The following CHN2 variants were observed in gnomAD, a reference collection of about 807,000 sequenced individuals.
CHN2 encodes the protein beta-chimaerin.
In CHN2, 35 loss-of-function variants were observed where a neutral mutation model predicts 56.3. That is an observed-to-expected ratio of 0.62 (90% CI 0.47 to 0.82). CHN2 has a LOEUF of 0.82. Ranked by LOEUF, CHN2 falls within the 40% of genes least tolerant of loss-of-function variation. The pLI, the probability that CHN2 is intolerant of heterozygous loss-of-function variation, is 0.00. For synonymous variants in CHN2, 210 were observed against 212.8 expected (o/e 0.99, Z 0.12); for missense variants, 491 against 580.5 (o/e 0.85, Z 1.58).
intron 1 of CHN2, among the ~76,000 whole-genome samples, chr7:29,211,909 T>C (rs1169572335): frequency 6.6e-6 from 1 of 152,204 alleles, no homozygotes; most frequent in Non-Finnish European, 1.5e-5. Flanking sequence ...TAAAGAACAT[T>C]TCAAATATAT....
intron 1 of CHN2, chr7:29,289,054 A>G (rs1393688788): frequency 6.6e-6 from 1 of 152,250 alleles, no homozygotes; most frequent in African/African-American, 2.4e-5. Context: ...TGAATGAGGA[A>G]CAATACAATT....
chr7:29,157,697 G>A (rs1191377934), intron 2 of CHN2, among the ~76,000 whole-genome samples: 10 of 152,156 alleles, frequency 6.6e-5, no homozygotes, highest in Admixed American at 6.5e-4. Flanking sequence ...CCAGTGAAAA[G>A]CCACTCAATG....
At chr7:29,292,261 A>G (rs1584978255) in intron 1 of CHN2, among the ~76,000 whole-genome samples, 1 of 152,222 alleles carries the variant, frequency 6.6e-6, no homozygotes, top group East Asian at 1.9e-4. Context: ...GACTAATAGT[A>G]TTTCACTGGA....
chr7:29,164,779 C>CAAAAA (rs55742522), intron 2 of CHN2, among the ~76,000 whole-genome samples: 8 of 85,874 alleles, frequency 9.3e-5, no homozygotes, highest in Admixed American at 1.4e-4. Flanking sequence ...AGACCTGTCT[C>CAAAAA]AAAAAAAAAA....
chr7:29,228,175 CACGT>C (rs1436534669), intron 1 of CHN2, among the ~76,000 whole-genome samples: 1 of 150,830 alleles, frequency 6.6e-6, no homozygotes, highest in East Asian at 2.0e-4. Context: ...CACACACACA[CACGT>C]GTGTGTGTGT....
chr7:29,464,609 C>T (rs1401966590), intron 6 of CHN2, among the ~76,000 whole-genome samples: 1 of 152,160 alleles, frequency 6.6e-6, no homozygotes. Context: ...ACCATTGGAA[C>T]TAGGTGTAGT....
At chr7:29,170,535 T>C (rs1402375815) in intron 2 of CHN2, among the ~76,000 whole-genome samples, 1 of 152,236 alleles carries the variant, frequency 6.6e-6, no homozygotes, top group Admixed American at 6.5e-5. Context: ...TAGTTTAAAA[T>C]GGGTTTTGTA....
chr7:29,404,994 A>AT (rs60170926), intron 6 of CHN2, among the ~76,000 whole-genome samples: 49,471 of 151,704 alleles, frequency 0.33, 8,547 homozygotes, highest in African/African-American at 0.44. Flanking sequence ...GTGGAAGGAG[A>AT]TTTTTCCCTG....
In CHN2 at chr7:29,471,786, G is replaced by T. The variant is rs185411978; in HGVS notation, c.577-8493G>T. On this transcript the variant is annotated intron_variant, in intron 6 of 12. Transcript: ENST00000222792. ...GTTTTAGGACTGAGCCAGGTTAATC[G>T]TTGACACCTGATGCTTAAATGGCCT... is the stretch of plus-strand genomic sequence containing the variant. Among the ~76,000 whole-genome samples, 214 of 152,238 alleles carry T rather than the reference G, an allele frequency of 1.4e-3. 1 individual carries two copies. The highest frequency in any genetic ancestry group is 4.6e-3 in the African/African-American group (192 of 41,522).
In CHN2 at chr7:29,513,754, A is replaced by AT. The variant is rs1278897621; in HGVS notation, c.*1025dup. On this transcript the variant is annotated 3_prime_UTR_variant, in exon 13 of 13. Coordinates refer to ENST00000222792, the MANE Select transcript of CHN2 (RefSeq NM_004067.4). ...TTTTTCATTCTTGTTTTACAAACCT[A>AT]TTTTTTAAAGTGAGAATAAGGTTGG... 6.5e-6 allele frequency: 1 copy of AT among 152,724 alleles called. No homozygotes were observed. Among genetic ancestry groups the AT allele is most frequent in the Admixed American group, 6.5e-5 (1 of 15,290 alleles). 9.5% of individuals were successfully genotyped at this position (152,724 alleles called of 1,614,324 possible). A position where few individuals can be genotyped will look rare whatever the true frequency, so the allele number is the denominator to read the frequency against.
At chr7:29,350,362 A>C (rs1249603711) in intron 1 of CHN2, among the ~76,000 whole-genome samples, 1 of 152,096 alleles carries the variant, frequency 6.6e-6, no homozygotes, top group Non-Finnish European at 1.5e-5. Flanking sequence ...ATTAGGGCAA[A>C]TATGTGTGTG....
intron 3 of CHN2, among the ~76,000 whole-genome samples, chr7:29,376,008 GT>G (rs1254174478): frequency 2.6e-5 from 4 of 152,158 alleles, no homozygotes; most frequent in African/African-American, 9.7e-5. Flanking sequence ...ATAAAGGCAG[GT>G]TATACTTTGC....
At chr7:29,273,375 A>ATATATATATATATATATATATATATGTG in intron 1 of CHN2, among the ~76,000 whole-genome samples, 1 of 50,812 alleles carries the variant, frequency 2.0e-5, no homozygotes, top group South Asian at 6.9e-4. Context: ...ATATATATAT[A>ATATATATATATATATATATATATATGTG]TATATATATA....
intron 3 of CHN2, among the ~76,000 whole-genome samples, chr7:29,390,237 G>A: frequency 6.6e-6 from 1 of 152,118 alleles, no homozygotes; most frequent in Non-Finnish European, 1.5e-5. Context: ...TAAGGACCCA[G>A]TATTAGAAGA....
chr7:29,506,358 C>T (rs1414432160), intron 10 of CHN2, among the ~76,000 whole-genome samples: 1 of 152,146 alleles, frequency 6.6e-6, no homozygotes, highest in Non-Finnish European at 1.5e-5. Flanking sequence ...TCAAAATAGG[C>T]CAGGCGTGGT....
At chr7:29,492,620 A>G (rs1788786491) in intron 7 of CHN2, among the ~76,000 whole-genome samples, 1 of 152,170 alleles carries the variant, frequency 6.6e-6, no homozygotes, top group Non-Finnish European at 1.5e-5. Flanking sequence ...TCTTTTAAAA[A>G]AGTCCTTCCT....
chr7:29,368,640 A>G (rs1799366430), intron 3 of CHN2, among the ~76,000 whole-genome samples: 1 of 152,184 alleles, frequency 6.6e-6, no homozygotes. Context: ...GGGATTAAAT[A>G]TAGAGCCACG....
intron 3 of CHN2, among the ~76,000 whole-genome samples, chr7:29,374,801 T>TTTCCTTCCTTCC (rs57274609): frequency 0.16 from 19,980 of 128,070 alleles, 2,093 homozygotes; most frequent in Admixed American, 0.18. Context: ...TATTTCTTTA[T>TTTCCTTCCTTCC]TTCCTTCCTT....
chr7:29,390,625 T>A (rs186519535), intron 3 of CHN2, among the ~76,000 whole-genome samples: 7 of 152,364 alleles, frequency 4.6e-5, no homozygotes, highest in African/African-American at 1.7e-4. Context: ...TTATCAACTA[T>A]CCTGTCGCCT....
Sources: gnomAD v4.1 joint callset for allele counts (sites outside exome capture counted in the v4.1 genomes callset) on GRCh38, gnomAD v4.1.1 for gene constraint, MANE v1.5 for transcripts, NCBI Gene and HGNC (gene_info 2026-07-23, HGNC 2026-07-21) for gene names.